Variants in SLCO1A2 observed in about 807,000 individuals in gnomAD.
SLCO1A2 encodes OATP-1.
In SLCO1A2, 67 loss-of-function variants were observed where a neutral mutation model predicts 69.0. The observed-to-expected ratio is 0.97, with a 90% CI of 0.80 to 1.19. The LOEUF (loss-of-function observed/expected upper bound fraction) is 1.19, where lower values mean the gene tolerates loss of function less well. Ranked by LOEUF, SLCO1A2 falls within the 50% of genes most tolerant of loss-of-function variation. The pLI, the probability that SLCO1A2 is intolerant of heterozygous loss-of-function variation, is 0.00. For missense variants in SLCO1A2, 787 were observed against 793.7 expected, an observed-to-expected ratio of 0.99 and a Z score of 0.10; for synonymous variants, 260 against 265.9, an observed-to-expected ratio of 0.98 and a Z score of 0.22.
At chr12:21,419,087 G>C (rs1261954481), upstream of SLCO1A2, 1 of 152,090 alleles carries the variant, frequency 6.6e-6, no homozygotes, top group Non-Finnish European at 1.5e-5. Flanking sequence ...GAAGACTCTG[G>C]TTACTATTTA....
chr12:21,332,331 T>G (rs1236228767), intron 2 of SLCO1A2, among the ~76,000 whole-genome samples: 1 of 152,128 alleles, frequency 6.6e-6, no homozygotes, highest in Non-Finnish European at 1.5e-5. Context: ...TTATTATCAA[T>G]AATAAAAAAT....
chr12:21,275,187 T>C (rs944685258), intron 13 of SLCO1A2, 173 bp downstream of exon 13: 1 of 749,794 alleles, frequency 1.3e-6, no homozygotes, highest in South Asian at 3.7e-5. Context: ...CATTAGGAGA[T>C]TCACCTAATG....
chr12:21,365,591 A>T (rs1214342136), intron 2 of SLCO1A2, among the ~76,000 whole-genome samples: 1 of 152,238 alleles, frequency 6.6e-6, no homozygotes, highest in African/African-American at 2.4e-5. Flanking sequence ...AAAAGAAACT[A>T]CCATCAGAGT....
At chr12:21,363,661 A>G (rs1457631944) in intron 2 of SLCO1A2, among the ~76,000 whole-genome samples, 2 of 152,166 alleles carry the variant, frequency 1.3e-5, no homozygotes, top group Non-Finnish European at 2.9e-5. Context: ...AAGACTAATA[A>G]AGAAGAAAAG....
chr12:21,278,615 A>T (rs186908150), intron 12 of SLCO1A2, among the ~76,000 whole-genome samples: 1 of 152,172 alleles, frequency 6.6e-6, no homozygotes, highest in Non-Finnish European at 1.5e-5. Context: ...ATTCTTTTGG[A>T]TCTTATCCAA....
intron 4 of SLCO1A2, 37 bp from the exon 5 acceptor site, chr12:21,307,025 A>C: frequency 7.0e-7 from 1 of 1,422,746 alleles, no homozygotes; most frequent in Non-Finnish European, 9.9e-7. Flanking sequence ...TATTTTAAGA[A>C]AGTAATGAGG....
intron 1 of SLCO1A2, among the ~76,000 whole-genome samples, chr12:21,401,564 T>C (rs1413336220): frequency 1.3e-5 from 2 of 151,904 alleles, no homozygotes; most frequent in African/African-American, 4.8e-5. Flanking sequence ...TTAATCATAA[T>C]TTTATTGAGA....
At chr12:21,287,306 A>G (rs1351826282) in intron 12 of SLCO1A2, among the ~76,000 whole-genome samples, 4 of 148,640 alleles carry the variant, frequency 2.7e-5, no homozygotes, top group African/African-American at 1.0e-4. Context: ...CAAAACCACT[A>G]TGAGATATCA....
chr12:21,306,574 G>A lies in SLCO1A2; in HGVS notation c.442+308C>T, dbSNP rs191344617. Among the ~76,000 whole-genome samples the A allele has an allele frequency of 7.6e-4, 116 of 152,188 alleles. 1 individual carries two copies. Among genetic ancestry groups the A allele is most frequent in the Non-Finnish European group, 1.1e-3 (77 of 68,002 alleles). Reference sequence around the variant, plus strand: ...ACTCCTGACCTCAGGTGATCCATCCGTCTCAGCCTCCCAAAGTGCTGGGAT... The same window carrying A: ...ACTCCTGACCTCAGGTGATCCATCCATCTCAGCCTCCCAAAGTGCTGGGAT... On this transcript the variant is annotated intron_variant, in intron 5 of 14. Coordinates refer to ENST00000683939, the MANE Select transcript of SLCO1A2 (RefSeq NM_001386879.1).
At chr12:21,279,968 T>G (rs11494560) in intron 12 of SLCO1A2, among the ~76,000 whole-genome samples, 19,414 of 97,236 alleles carry the variant, frequency 0.2, 1,353 homozygotes, top group African/African-American at 0.27. Context: ...AAATGTAGAG[T>G]TTTTTTTTTA....
At chr12:21,344,582 G>A (rs1953192666) in intron 2 of SLCO1A2, among the ~76,000 whole-genome samples, 3 of 151,982 alleles carry the variant, frequency 2.0e-5, no homozygotes, top group African/African-American at 7.2e-5. Context: ...CACACTTGAA[G>A]CCAAAGAGGC....
chr12:21,387,102 G>A (rs959270155), intron 1 of SLCO1A2, among the ~76,000 whole-genome samples: 2 of 152,304 alleles, frequency 1.3e-5, no homozygotes, highest in Admixed American at 6.5e-5. Flanking sequence ...TTTTGAACTT[G>A]AGAGAGATGA....
chr12:21,401,900 C>T, intron 1 of SLCO1A2, among the ~76,000 whole-genome samples: 1 of 151,404 alleles, frequency 6.6e-6, no homozygotes, highest in East Asian at 1.9e-4. Flanking sequence ...CAGAAATATA[C>T]ATATACATAA....
chr12:21,283,167 T>C (rs11536000), intron 12 of SLCO1A2, among the ~76,000 whole-genome samples: 12,118 of 152,150 alleles, frequency 0.08, 813 homozygotes, highest in East Asian at 0.35. Context: ...GACTTCAATT[T>C]ATATCACAGA....
At chr12:21,323,616 C>G (rs932489110) in intron 2 of SLCO1A2, among the ~76,000 whole-genome samples, 5 of 152,024 alleles carry the variant, frequency 3.3e-5, no homozygotes, top group African/African-American at 1.2e-4. Flanking sequence ...AAATACATAT[C>G]TATCTATCTG....
intron 4 of SLCO1A2, among the ~76,000 whole-genome samples, chr12:21,308,762 C>T (rs767257984): frequency 2.0e-5 from 3 of 152,192 alleles, no homozygotes; most frequent in Non-Finnish European, 2.9e-5. Flanking sequence ...ATGTGCGAAA[C>T]AGCCAGTCCC....
chr12:21,349,254 A>T (rs1350616384), intron 2 of SLCO1A2, among the ~76,000 whole-genome samples: 1 of 152,092 alleles, frequency 6.6e-6, no homozygotes, highest in African/African-American at 2.4e-5. Flanking sequence ...AAAGATGAAT[A>T]AGAGAAGAGA....
intron 6 of SLCO1A2, 108 bp from the exon 7 acceptor site, chr12:21,301,377 T>A (rs972124534): frequency 1.9e-6 from 1 of 526,136 alleles, no homozygotes; most frequent in Non-Finnish European, 3.2e-6. Context: ...TGGATACTTT[T>A]GACTAGATAC....
intron 3 of SLCO1A2, among the ~76,000 whole-genome samples, chr12:21,318,020 G>A (rs902209295): frequency 2.6e-5 from 4 of 151,644 alleles, no homozygotes; most frequent in African/African-American, 7.3e-5. Context: ...AAAAAAAATT[G>A]TCAACCTCCC....
Sources: gnomAD v4.1 joint callset for allele counts (sites outside exome capture counted in the v4.1 genomes callset) on GRCh38, gnomAD v4.1.1 for gene constraint, MANE v1.5 for transcripts, NCBI Gene and HGNC (gene_info 2026-07-23, HGNC 2026-07-21) for gene names.